CHST11: variants seen among roughly 807,000 people sequenced by gnomAD.
The protein encoded by CHST11 is carbohydrate sulfotransferase 11.
In CHST11, 9 loss-of-function variants were observed where a neutral mutation model predicts 30.4. The observed-to-expected ratio is 0.30, with a 90% CI of 0.18 to 0.52. The LOEUF (loss-of-function observed/expected upper bound fraction) is 0.52, where lower values mean the gene tolerates loss of function less well. CHST11 is among the 20% of genes least tolerant of loss of function. CHST11 has a pLI of 0.97. For missense variants in CHST11, 348 were observed against 460.6 expected, an observed-to-expected ratio of 0.76 and a Z score of 2.24; for synonymous variants, 152 against 187.8, an observed-to-expected ratio of 0.81 and a Z score of 1.56.
intron 1 of CHST11, among the ~76,000 whole-genome samples, chr12:104,469,383 C>T (rs1222055038): frequency 6.6e-6 from 1 of 152,218 alleles, no homozygotes; most frequent in African/African-American, 2.4e-5. Flanking sequence ...CACTTAATTA[C>T]TCCTCAGGTT....
intron 1 of CHST11, among the ~76,000 whole-genome samples, chr12:104,496,422 G>A (rs2037798659): frequency 6.6e-6 from 1 of 152,242 alleles, no homozygotes; most frequent in Non-Finnish European, 1.5e-5. Context: ...TTTAGGCACT[G>A]TTGAAGTGAC....
intron 1 of CHST11, among the ~76,000 whole-genome samples, chr12:104,496,382 T>C (rs1337682497): frequency 1.3e-5 from 2 of 152,268 alleles, no homozygotes; most frequent in African/African-American, 4.8e-5. Flanking sequence ...ATTTTGTTTT[T>C]TGACTAGACC....
At chr12:104,520,451 G>A (rs1001816437) in intron 1 of CHST11, among the ~76,000 whole-genome samples, 1 of 152,008 alleles carries the variant, frequency 6.6e-6, no homozygotes, top group African/African-American at 2.4e-5. Flanking sequence ...TGGTCAGGAG[G>A]AGCACCACTG....
At chr12:104,638,420 A>C (rs919965623) in intron 2 of CHST11, among the ~76,000 whole-genome samples, 2 of 152,184 alleles carry the variant, frequency 1.3e-5, no homozygotes, top group African/African-American at 4.8e-5. Context: ...TGATATTAGC[A>C]ATAGGTGTCA....
chr12:104,471,217 C>T (rs1023205607), intron 1 of CHST11, among the ~76,000 whole-genome samples: 8 of 152,190 alleles, frequency 5.3e-5, no homozygotes, highest in African/African-American at 1.9e-4. Context: ...TACATTGACT[C>T]CTTCAGGGAA....
At chr12:104,624,178 A>G (rs1253677204) in intron 2 of CHST11, among the ~76,000 whole-genome samples, 1 of 152,186 alleles carries the variant, frequency 6.6e-6, no homozygotes, top group East Asian at 1.9e-4. Context: ...CTCTGATCCT[A>G]GGGGAATTGT....
At chr12:104,680,169 T>G (rs919525467) in intron 2 of CHST11, among the ~76,000 whole-genome samples, 1 of 152,148 alleles carries the variant, frequency 6.6e-6, no homozygotes, top group Non-Finnish European at 1.5e-5. Context: ...ACTTTCTGGT[T>G]GAGAGGACGC....
intron 2 of CHST11, among the ~76,000 whole-genome samples, chr12:104,756,221 C>T (rs76489113): frequency 0.024 from 3,712 of 152,248 alleles, 84 homozygotes; most frequent in African/African-American, 0.055. Context: ...GCCACCACTC[C>T]GTGAAGGTCT....
chr12:104,641,791 C>T (rs546994014), intron 2 of CHST11, among the ~76,000 whole-genome samples: 44 of 152,220 alleles, frequency 2.9e-4, no homozygotes, highest in East Asian at 1.4e-3. Context: ...CCAGTGCTGA[C>T]GGGGGCACTC....
rs1054329385 is a variant in CHST11 at position 104,737,037 on chromosome 12, T to G, written c.205-19912T>G. 5.9e-5 allele frequency among the ~76,000 whole-genome samples: 9 copies of G among 152,346 alleles called. 1 individual carries two copies. The highest frequency in any genetic ancestry group is 1.9e-4 in the East Asian group (1 of 5,192). On this transcript the variant is annotated intron_variant, in intron 2 of 2. Transcript: ENST00000303694. The stretch of plus-strand genomic sequence containing the variant: ...AAATGTGACTTTCCTTTAACACCAT[T>G]TATAGATGATCTTTATGGGATATTC...
chr12:104,682,686 G>A (rs2039808326), intron 2 of CHST11, among the ~76,000 whole-genome samples: 1 of 152,176 alleles, frequency 6.6e-6, no homozygotes, highest in Non-Finnish European at 1.5e-5. Flanking sequence ...AGATAGCAAT[G>A]GTATCCTCCA....
chr12:104,708,334 C>T (rs1033628889), intron 2 of CHST11, among the ~76,000 whole-genome samples: 8 of 152,156 alleles, frequency 5.3e-5, no homozygotes, highest in Admixed American at 4.6e-4. Context: ...TTCCCGGGGG[C>T]GGCTGTGGGG....
At position 104,757,812 on chromosome 12, in the gene CHST11, G is replaced by C. The variant is rs1382993420; in HGVS notation, c.*9G>C. On this transcript the variant is annotated 3_prime_UTR_variant, in exon 3 of 3. Transcript: ENST00000303694. The surrounding 1 kb of genome is among the most constrained non-coding windows in gnomAD (Gnocchi z 6.5). The stretch of plus-strand genomic sequence containing the variant: ...ACCTGAAATTGGAATAAAGGGGGTG[G>C]GGAGAGGGAGAGAATCATGCTTTTT... 1 of 1,600,036 alleles carries C rather than the reference G, an allele frequency of 6.2e-7. No homozygotes were observed. Among genetic ancestry groups the C allele is most frequent in the Non-Finnish European group, 8.5e-7 (1 of 1,170,964 alleles).
At chr12:104,722,439 T>C (rs75438776) in intron 2 of CHST11, among the ~76,000 whole-genome samples, 1,882 of 152,312 alleles carry the variant, frequency 0.012, 28 homozygotes, top group African/African-American at 0.042. Context: ...TGGTTTTTAG[T>C]ATATTTTGTA....
intron 1 of CHST11, among the ~76,000 whole-genome samples, chr12:104,507,422 T>C (rs1056550940): frequency 2.0e-5 from 3 of 152,242 alleles, no homozygotes; most frequent in African/African-American, 7.2e-5. Flanking sequence ...GCAAAGGCTT[T>C]GGCACCGCTG....
intron 2 of CHST11, among the ~76,000 whole-genome samples, chr12:104,750,490 G>A (rs1402239604): frequency 4.1e-5 from 5 of 120,908 alleles, no homozygotes; most frequent in African/African-American, 1.6e-4. Flanking sequence ...CACCCAGGCC[G>A]GAGTGCAATG....
At chr12:104,530,123 T>C (rs2038167638) in intron 1 of CHST11, among the ~76,000 whole-genome samples, 1 of 152,148 alleles carries the variant, frequency 6.6e-6, no homozygotes, top group Non-Finnish European at 1.5e-5. Context: ...TGCGCCATTA[T>C]AGTTGAGCCT....
At chr12:104,732,256 TG>T (rs2040264182) in intron 2 of CHST11, among the ~76,000 whole-genome samples, 2 of 152,302 alleles carry the variant, frequency 1.3e-5, no homozygotes, top group South Asian at 2.1e-4. Context: ...TGTTCGCCTA[TG>T]TGCCATAAGC....
chr12:104,757,725 A>G lies in CHST11; in HGVS notation c.981A>G (p.Gln327=). The change falls in exon 3 of 3, where the codon CAA becomes CAG. Residue 327 remains glutamine (Q), a synonymous_variant. Transcript: ENST00000303694. The surrounding 1 kb of genome is among the most constrained non-coding windows in gnomAD (Gnocchi z 6.5). ...TCCAGAACATCAGCTCAGAGCACCA[A>G]ACGCAGCTGTACGAAGTCTACAAAC... The part of the protein sequence containing the change: ...EFFQNISSEH[Q]TQLYEVYKLD... The G allele has an allele frequency of 6.2e-7, 1 of 1,614,186 alleles. No homozygotes were observed. The highest frequency in any genetic ancestry group is 8.5e-7 in the Non-Finnish European group (1 of 1,180,026).
Sources: gnomAD v4.1 joint callset for allele counts (sites outside exome capture counted in the v4.1 genomes callset) on GRCh38, gnomAD v4.1.1 for gene constraint, Gnocchi (gnomAD v3.1) non-coding constraint, MANE v1.5 for transcripts, NCBI Gene and HGNC (gene_info 2026-07-23, HGNC 2026-07-21) for gene names.